The following ST6GALNAC3 variants were observed in gnomAD, a reference collection of about 807,000 sequenced individuals.
ST6GALNAC3 encodes the protein alpha-N-acetylgalactosaminide alpha-2,6-sialyltransferase 3.
ST6GALNAC3 carries 25 observed loss-of-function variants against 32.7 expected under a neutral mutation model. The observed-to-expected ratio is 0.76, with a 90% confidence interval of 0.56 to 1.07. The LOEUF (loss-of-function observed/expected upper bound fraction) is 1.07, where lower values mean the gene tolerates loss of function less well. Ranked by LOEUF, ST6GALNAC3 falls within the 50% of genes least tolerant of loss-of-function variation. The pLI, the probability that ST6GALNAC3 is intolerant of heterozygous loss-of-function variation, is 0.00. For synonymous variants in ST6GALNAC3, 129 were observed against 133.1 expected (o/e 0.97, Z 0.21); for missense variants, 355 against 382.4 (o/e 0.93, Z 0.60).
At chr1:76,091,964 A>C (rs1407358101) in intron 1 of ST6GALNAC3, among the ~76,000 whole-genome samples, 1 of 152,128 alleles carries the variant, frequency 6.6e-6, no homozygotes, top group Non-Finnish European at 1.5e-5. Flanking sequence ...TCCTGCTGTG[A>C]GTTTGGATTG....
intron 3 of ST6GALNAC3, among the ~76,000 whole-genome samples, chr1:76,617,345 C>T (rs1648362371): frequency 6.6e-6 from 1 of 151,906 alleles, no homozygotes; most frequent in East Asian, 1.9e-4. Flanking sequence ...TCAATATATT[C>T]CAACCTGTTA....
intron 1 of ST6GALNAC3, among the ~76,000 whole-genome samples, chr1:76,260,371 T>C (rs958464915): frequency 3.9e-5 from 6 of 152,236 alleles, no homozygotes; most frequent in African/African-American, 1.4e-4. Context: ...AGGACTTCTG[T>C]TTTTAGCAAA....
At chr1:76,283,722 C>T (rs1378664279) in intron 1 of ST6GALNAC3, among the ~76,000 whole-genome samples, 1 of 152,162 alleles carries the variant, frequency 6.6e-6, no homozygotes, top group Non-Finnish European at 1.5e-5. Flanking sequence ...CCTATTTCTT[C>T]AGTGATTCTG....
At chr1:76,502,308 A>G (rs1389999202) in intron 3 of ST6GALNAC3, among the ~76,000 whole-genome samples, 2 of 152,084 alleles carry the variant, frequency 1.3e-5, no homozygotes, top group African/African-American at 2.4e-5. Flanking sequence ...TCCATAAACC[A>G]CCTTTTGAGG....
intron 2 of ST6GALNAC3, among the ~76,000 whole-genome samples, chr1:76,388,987 G>A (rs1281541208): frequency 1.7e-4 from 24 of 137,366 alleles, no homozygotes; most frequent in Non-Finnish European, 2.5e-4. Context: ...AGTTGGTATG[G>A]TGTGGTTGTT....
At chr1:76,524,981 A>C (rs537406363) in intron 3 of ST6GALNAC3, among the ~76,000 whole-genome samples, 42 of 152,206 alleles carry the variant, frequency 2.8e-4, no homozygotes, top group African/African-American at 1.0e-3. Context: ...AATTGAAGAG[A>C]AATATTACCT....
rs1450267435 is a variant in ST6GALNAC3, at chr1:76,632,496, G to A, written c.*3690G>A. On this transcript the variant is annotated 3_prime_UTR_variant, in exon 5 of 5. Coordinates refer to ENST00000328299, the MANE Select transcript of ST6GALNAC3 (RefSeq NM_152996.4). ...TCAAATAAGCCAGTCTTTAGCATAAGCAAAATCCAGATTTGCATGATTTTT... is the reference window on the plus strand; with the variant it reads ...TCAAATAAGCCAGTCTTTAGCATAAACAAAATCCAGATTTGCATGATTTTT... The A allele has an allele frequency of 6.6e-6, 1 of 152,108 alleles. No individual in the cohort carries two copies. Among genetic ancestry groups the A allele is most frequent in the Non-Finnish European group, 1.5e-5 (1 of 68,004 alleles). The allele number at this position is 152,108 out of a possible 1,614,324, so 9.4% of individuals were successfully genotyped here. A position where few individuals can be genotyped will look rare whatever the true frequency, so the allele number is the denominator to read the frequency against.
chr1:76,134,685 C>A (rs942365016), intron 1 of ST6GALNAC3, among the ~76,000 whole-genome samples: 2 of 152,178 alleles, frequency 1.3e-5, no homozygotes, highest in South Asian at 4.1e-4. Flanking sequence ...AGGTGCAGCA[C>A]CTGAACTCCT....
chr1:76,441,919 A>C (rs901867974), intron 3 of ST6GALNAC3, among the ~76,000 whole-genome samples: 1 of 152,196 alleles, frequency 6.6e-6, no homozygotes, highest in Non-Finnish European at 1.5e-5. Flanking sequence ...CACAATCTTC[A>C]AAGTCTTTTA....
At chr1:76,469,257 C>T (rs1271449035) in intron 3 of ST6GALNAC3, among the ~76,000 whole-genome samples, 3 of 152,002 alleles carry the variant, frequency 2.0e-5, no homozygotes, top group African/African-American at 7.2e-5. Context: ...CTGTTTCCTC[C>T]TTCATGCCAT....
At chr1:76,594,490 G>A (rs1175060281) in intron 3 of ST6GALNAC3, among the ~76,000 whole-genome samples, 7 of 152,098 alleles carry the variant, frequency 4.6e-5, no homozygotes, top group Non-Finnish European at 2.9e-5. Context: ...GAGGATGTGT[G>A]TTAACAAATT....
intron 3 of ST6GALNAC3, chr1:76,413,045 AT>A (rs1019025260): frequency 9.6e-6 from 3 of 312,832 alleles, no homozygotes; most frequent in South Asian, 2.7e-5. Context: ...ACCAATTTGC[AT>A]TTTTTATTAC....
At chr1:76,264,813 A>G (rs1224766954) in intron 1 of ST6GALNAC3, among the ~76,000 whole-genome samples, 4 of 152,078 alleles carry the variant, frequency 2.6e-5, no homozygotes, top group South Asian at 4.1e-4. Flanking sequence ...TTAAAACCAG[A>G]TGGAGAAGCC....
chr1:76,628,904 C>T lies in ST6GALNAC3; in HGVS notation c.*98C>T. On this transcript the variant is annotated 3_prime_UTR_variant, in exon 5 of 5. Transcript: ENST00000328299. The stretch of plus-strand genomic sequence containing the variant: ...ATGGAGATGATGGTAATGATAAAGA[C>T]AACAACAATGATTATCAAGTTCCTG... The T allele has an allele frequency of 6.4e-7, 1 of 1,553,678 alleles. No individual in the cohort carries two copies. Among genetic ancestry groups the T allele is most frequent in the East Asian group, 2.3e-5 (1 of 43,984 alleles).
chr1:76,354,604 A>T (rs574855255), intron 2 of ST6GALNAC3, among the ~76,000 whole-genome samples: 1 of 152,284 alleles, frequency 6.6e-6, no homozygotes, highest in East Asian at 1.9e-4. Flanking sequence ...CTTTAAAGTG[A>T]AGTAATCCAT....
At chr1:76,635,495 G>A (rs975577031), downstream of ST6GALNAC3, among the ~76,000 whole-genome samples, 6 of 152,120 alleles carry the variant, frequency 3.9e-5, 1 homozygote, top group African/African-American at 1.4e-4. Flanking sequence ...AAGCACTAGA[G>A]AGATTAAATA....
intron 3 of ST6GALNAC3, among the ~76,000 whole-genome samples, chr1:76,588,635 A>G (rs1277996139): frequency 6.6e-6 from 1 of 152,176 alleles, no homozygotes; most frequent in Admixed American, 6.5e-5. Context: ...CTTGACAACT[A>G]GCTTCTAGTA....
At chr1:76,502,468 C>T (rs1661230658) in intron 3 of ST6GALNAC3, among the ~76,000 whole-genome samples, 1 of 152,132 alleles carries the variant, frequency 6.6e-6, no homozygotes, top group Non-Finnish European at 1.5e-5. Flanking sequence ...TTGGTTCTTT[C>T]TGAGGGCTGT....
chr1:76,161,000 C>T (rs1651769439), intron 1 of ST6GALNAC3, among the ~76,000 whole-genome samples: 1 of 152,090 alleles, frequency 6.6e-6, no homozygotes. Flanking sequence ...GTAAAGGACC[C>T]ATCTTTTAAT....
Sources: allele counts gnomAD v4.1 joint callset (sites outside exome capture counted in the v4.1 genomes callset), GRCh38; gene constraint gnomAD v4.1.1; transcripts MANE v1.5; gene names NCBI Gene and HGNC (gene_info 2026-07-23, HGNC 2026-07-21).